The following CPNE4 variants were observed in gnomAD, a reference collection of about 807,000 sequenced individuals.
The protein encoded by CPNE4 is copine 4, also known as copine-4.
In CPNE4, 25 loss-of-function variants were observed where a neutral mutation model predicts 67.9. That is an observed-to-expected ratio of 0.37 (90% CI 0.27 to 0.51). The LOEUF (loss-of-function observed/expected upper bound fraction) is 0.51, where lower values mean the gene tolerates loss of function less well. Ranked by LOEUF, CPNE4 falls within the 20% of genes least tolerant of loss-of-function variation. CPNE4 has a pLI of 0.93. For missense variants in CPNE4, 464 were observed against 690.8 expected, an observed-to-expected ratio of 0.67 and a Z score of 3.68; for synonymous variants, 242 against 244.9, an observed-to-expected ratio of 0.99 and a Z score of 0.11.
intron 1 of CPNE4, among the ~76,000 whole-genome samples, chr3:131,982,881 C>T (rs937750239): frequency 2.1e-4 from 32 of 151,800 alleles, no homozygotes; most frequent in Non-Finnish European, 2.5e-4. Context: ...AAATATTCTG[C>T]CTACATTATC....
chr3:131,690,970 T>C (rs2081020008), intron 5 of CPNE4, among the ~76,000 whole-genome samples: 1 of 152,140 alleles, frequency 6.6e-6, no homozygotes, highest in Admixed American at 6.6e-5. Flanking sequence ...ATGTCACTGA[T>C]TGTGAGAGAA....
intron 2 of CPNE4, among the ~76,000 whole-genome samples, chr3:131,862,193 T>C (rs1314309397): frequency 6.6e-6 from 1 of 152,232 alleles, no homozygotes; most frequent in African/African-American, 2.4e-5. Context: ...CTAGTTCAAG[T>C]TGTCTTCTTG....
chr3:131,681,351 G>A (rs973726284), intron 6 of CPNE4, among the ~76,000 whole-genome samples: 2 of 152,098 alleles, frequency 1.3e-5, no homozygotes, highest in Non-Finnish European at 2.9e-5. Context: ...TGTTTGTCTA[G>A]GAAAGTCTTT....
At chr3:131,969,206 G>A (rs1482037976) in intron 1 of CPNE4, among the ~76,000 whole-genome samples, 1 of 151,946 alleles carries the variant, frequency 6.6e-6, no homozygotes, top group African/African-American at 2.4e-5. Context: ...GGGCCTGTCA[G>A]GGAGTTGGGG....
intron 2 of CPNE4, among the ~76,000 whole-genome samples, chr3:131,751,113 T>C (rs774294940): frequency 6.6e-6 from 1 of 152,198 alleles, no homozygotes; most frequent in South Asian, 2.1e-4. Context: ...TTAATTATGA[T>C]GTATCTTGGC....
At chr3:131,729,793 G>A (rs2082085797) in intron 2 of CPNE4, among the ~76,000 whole-genome samples, 1 of 152,196 alleles carries the variant, frequency 6.6e-6, no homozygotes, top group African/African-American at 2.4e-5. Flanking sequence ...TGGACCAGGG[G>A]TTCCTGCTCA....
intron 1 of CPNE4, among the ~76,000 whole-genome samples, chr3:132,007,233 C>T (rs997362922): frequency 6.6e-6 from 1 of 152,156 alleles, no homozygotes; most frequent in Non-Finnish European, 1.5e-5. Context: ...GAAAAGTAAT[C>T]ATTTCCCTGT....
At chr3:131,633,141 A>C (rs1450148230) in intron 7 of CPNE4, among the ~76,000 whole-genome samples, 1 of 152,146 alleles carries the variant, frequency 6.6e-6, no homozygotes, top group Non-Finnish European at 1.5e-5. Flanking sequence ...ATCTTTCAGG[A>C]AATCTTGTTG....
chr3:131,877,367 G>A (rs1475073678), intron 2 of CPNE4, among the ~76,000 whole-genome samples: 1 of 152,156 alleles, frequency 6.6e-6, no homozygotes, highest in Non-Finnish European at 1.5e-5. Context: ...AAAAAGGTAA[G>A]AAAGAATCTG....
chr3:131,758,214 C>CAGCAGCTG (rs1560252497), intron 2 of CPNE4, among the ~76,000 whole-genome samples: 5 of 152,152 alleles, frequency 3.3e-5, no homozygotes, highest in Admixed American at 1.3e-4. Flanking sequence ...CACTCAATGC[C>CAGCAGCTG]AGCCCATGAA....
intron 10 of CPNE4, among the ~76,000 whole-genome samples, chr3:131,567,173 G>T (rs1937102407): frequency 6.6e-6 from 1 of 151,850 alleles, no homozygotes; most frequent in African/African-American, 2.4e-5. Context: ...CTGGTGTCTT[G>T]ATATAAAACT....
At chr3:131,705,156 T>C (rs1440595423) in intron 3 of CPNE4, among the ~76,000 whole-genome samples, 1 of 151,398 alleles carries the variant, frequency 6.6e-6, no homozygotes, top group African/African-American at 2.4e-5. Flanking sequence ...AAGCTCTACA[T>C]GAGAAGTTTG....
chr3:132,006,238 A>G (rs772547518), intron 1 of CPNE4, among the ~76,000 whole-genome samples: 3 of 152,156 alleles, frequency 2.0e-5, no homozygotes, highest in Non-Finnish European at 4.4e-5. Flanking sequence ...TGCAGGAGTC[A>G]ATCCAGAGAT....
intron 2 of CPNE4, among the ~76,000 whole-genome samples, chr3:131,751,779 T>TG (rs780049258): frequency 1.0e-4 from 15 of 150,388 alleles, no homozygotes; most frequent in Admixed American, 9.3e-4. Flanking sequence ...TTTTTTGTTT[T>TG]TTTGTTTGTT....
chr3:131,701,229 A>G (rs1394552452), intron 3 of CPNE4, among the ~76,000 whole-genome samples: 1 of 152,048 alleles, frequency 6.6e-6, no homozygotes, highest in Admixed American at 6.5e-5. Context: ...TGTACCCTAG[A>G]ACTTAAAGTA....
At chr3:131,941,686 A>G (rs2071393688) in intron 1 of CPNE4, among the ~76,000 whole-genome samples, 2 of 152,002 alleles carry the variant, frequency 1.3e-5, no homozygotes. Flanking sequence ...TTTAGAGCAT[A>G]CATATTTTAA....
chr3:131,976,986 G>A (rs1390629711), intron 1 of CPNE4, among the ~76,000 whole-genome samples: 1 of 151,940 alleles, frequency 6.6e-6, no homozygotes, highest in Admixed American at 6.6e-5. Flanking sequence ...ATTTTTAGTA[G>A]AGATGGGATT....
chr3:131,554,143 G>C (rs761568548), intron 12 of CPNE4, among the ~76,000 whole-genome samples: 2 of 152,034 alleles, frequency 1.3e-5, no homozygotes, highest in African/African-American at 2.4e-5. Context: ...GAAAACTCAA[G>C]AATCCCTGGG....
At chr3:131,812,782 G>A (rs1001916558) in intron 2 of CPNE4, among the ~76,000 whole-genome samples, 3 of 152,182 alleles carry the variant, frequency 2.0e-5, no homozygotes, top group African/African-American at 7.2e-5. Context: ...AAGAGTTAGT[G>A]CTGCAAAATA....
Sources: gnomAD v4.1 joint callset for allele counts (sites outside exome capture counted in the v4.1 genomes callset) on GRCh38, gnomAD v4.1.1 for gene constraint, MANE v1.5 for transcripts, NCBI Gene and HGNC (gene_info 2026-07-23, HGNC 2026-07-21) for gene names.